BBS9: variants seen among roughly 807,000 people sequenced by gnomAD.
BBS9 encodes the protein Bardet-Biedl syndrome 9, also known as protein PTHB1.
Under a neutral mutation model 117.7 loss-of-function variants are expected in BBS9, and 89 were observed. That is an observed-to-expected ratio of 0.76 (90% CI 0.64 to 0.90). The LOEUF (loss-of-function observed/expected upper bound fraction) is 0.90, where lower values mean the gene tolerates loss of function less well. Ranked by LOEUF, BBS9 falls within the 40% of genes least tolerant of loss-of-function variation. The probability of loss-of-function intolerance (pLI) is 0.00; values close to 1 mark genes in which losing one functional copy is unlikely to be tolerated. For synonymous variants in BBS9, 379 were observed against 370.9 expected (o/e 1.02, Z -0.25); for missense variants, 982 against 1,042.2 (o/e 0.94, Z 0.80).
chr7:33,369,345 T>C (rs1388395420), intron 17 of BBS9, among the ~76,000 whole-genome samples: 1 of 152,200 alleles, frequency 6.6e-6, no homozygotes, highest in African/African-American at 2.4e-5. Context: ...TGAATATATT[T>C]ATATCCTAAT....
chr7:33,404,770 T>C (rs960455679), intron 19 of BBS9, among the ~76,000 whole-genome samples: 29 of 152,200 alleles, frequency 1.9e-4, no homozygotes, highest in African/African-American at 5.8e-4. Context: ...TTTCTAGATA[T>C]ACAGTCATGT....
At chr7:33,351,461 T>C in intron 14 of BBS9, 138 bp downstream of exon 14, 1 of 725,828 alleles carries the variant, frequency 1.4e-6, no homozygotes, top group Non-Finnish European at 2.5e-6. Context: ...TAAAATCATG[T>C]TTTCATTACT....
At chr7:33,595,295 T>C (rs1376504641) in intron 21 of BBS9, among the ~76,000 whole-genome samples, 2 of 152,134 alleles carry the variant, frequency 1.3e-5, no homozygotes, top group Non-Finnish European at 2.9e-5. Context: ...AATCTACCCA[T>C]CTGACAATGG....
chr7:33,158,891 G>A (rs1490740496), intron 4 of BBS9, among the ~76,000 whole-genome samples: 1 of 152,156 alleles, frequency 6.6e-6, no homozygotes, highest in Admixed American at 6.6e-5. Context: ...CAGCCACATG[G>A]TAAAAGACGA....
intron 21 of BBS9, among the ~76,000 whole-genome samples, chr7:33,569,977 TTATG>T (rs1013130835): frequency 6.6e-6 from 1 of 152,150 alleles, no homozygotes; most frequent in Non-Finnish European, 1.5e-5. Flanking sequence ...ACCAGGCTGA[TTATG>T]TAGGTAATAC....
intron 5 of BBS9, among the ~76,000 whole-genome samples, chr7:33,200,071 T>G (rs1283542287): frequency 6.6e-6 from 1 of 151,790 alleles, no homozygotes; most frequent in Admixed American, 6.6e-5. Context: ...ACACCCTATT[T>G]TTGGATTTAT....
chr7:33,591,257 C>A (rs1861870461), intron 21 of BBS9, among the ~76,000 whole-genome samples: 1 of 151,964 alleles, frequency 6.6e-6, no homozygotes, highest in African/African-American at 2.4e-5. Context: ...AAATTTAACT[C>A]CTTCCCTCTA....
At chr7:33,518,350 A>T (rs1848120346) in intron 20 of BBS9, among the ~76,000 whole-genome samples, 1 of 148,110 alleles carries the variant, frequency 6.8e-6, no homozygotes, top group Non-Finnish European at 1.5e-5. Context: ...TCCCGGGTTC[A>T]AACGATTCTC....
chr7:33,200,206 A>G (rs1399003859), intron 5 of BBS9, among the ~76,000 whole-genome samples: 1 of 152,104 alleles, frequency 6.6e-6, no homozygotes, highest in Admixed American at 6.5e-5. Flanking sequence ...GCACGTTCAA[A>G]CAGTATACTT....
chr7:33,440,767 G>A (rs1278988074), intron 19 of BBS9, among the ~76,000 whole-genome samples: 4 of 152,202 alleles, frequency 2.6e-5, no homozygotes, highest in African/African-American at 7.2e-5. Flanking sequence ...ACCATTGCAC[G>A]AGGTAGCCCA....
In BBS9 at chr7:33,588,295, T is replaced by C. The variant is rs181307229; in HGVS notation, c.2522-16570T>C. On this transcript the variant is annotated intron_variant, in intron 21 of 22. Transcript: ENST00000242067. ...TGGTTCACAGAGCAGCCAGGTCTACTGGGGGAGTAGAAAGAAGAGATTCTA... is the reference window on the plus strand; with the variant it reads ...TGGTTCACAGAGCAGCCAGGTCTACCGGGGGAGTAGAAAGAAGAGATTCTA... Among the ~76,000 whole-genome samples, 26 of 152,266 alleles carry C rather than the reference T, an allele frequency of 1.7e-4. 1 individual carries two copies. In the East Asian group the frequency reaches 4.6e-3, roughly 27 times the overall value.
intron 19 of BBS9, among the ~76,000 whole-genome samples, chr7:33,484,501 T>C (rs1842846656): frequency 6.6e-6 from 1 of 152,158 alleles, no homozygotes; most frequent in Non-Finnish European, 1.5e-5. Flanking sequence ...GGTTGGTTTT[T>C]CAACAGCATT....
chr7:33,159,101 T>G (rs1181547023), intron 4 of BBS9, among the ~76,000 whole-genome samples: 1 of 152,136 alleles, frequency 6.6e-6, no homozygotes, highest in Non-Finnish European at 1.5e-5. Flanking sequence ...TCCACCTCCA[T>G]TTAGGTTATA....
chr7:33,351,812 G>C (rs1041840303), intron 14 of BBS9: 1 of 196,090 alleles, frequency 5.1e-6, no homozygotes, highest in African/African-American at 2.4e-5. Flanking sequence ...CTCCTCCCCT[G>C]CGTAAGGCAC....
intron 21 of BBS9, among the ~76,000 whole-genome samples, chr7:33,574,832 A>G (rs1449244382): frequency 1.3e-5 from 2 of 150,062 alleles, no homozygotes; most frequent in Non-Finnish European, 2.9e-5. Context: ...AAAGACTTTC[A>G]AAAGAAAATT....
intron 5 of BBS9, among the ~76,000 whole-genome samples, chr7:33,198,924 C>T (rs1307113257): frequency 6.6e-6 from 1 of 151,916 alleles, no homozygotes. Context: ...CAGTGCCTAG[C>T]ACTATTAATA....
intron 21 of BBS9, among the ~76,000 whole-genome samples, chr7:33,554,539 C>T (rs944185258): frequency 6.6e-6 from 1 of 152,008 alleles, no homozygotes; most frequent in Non-Finnish European, 1.5e-5. Flanking sequence ...CCTTTAGTAC[C>T]AAGGTGGACA....
At chr7:33,143,077 C>T (rs77398644) in intron 1 of BBS9, among the ~76,000 whole-genome samples, 30,016 of 151,964 alleles carry the variant, frequency 0.2, 3,132 homozygotes, top group Non-Finnish European at 0.23. Context: ...TCATGGCATT[C>T]TCTTGCCTTA....
At chr7:33,493,812 G>A (rs1444870867) in intron 19 of BBS9, among the ~76,000 whole-genome samples, 21 of 152,118 alleles carry the variant, frequency 1.4e-4, no homozygotes, top group Admixed American at 1.3e-3. Context: ...GCTGGAATTC[G>A]TGTACCCTGT....
Sources: allele counts gnomAD v4.1 joint callset (sites outside exome capture counted in the v4.1 genomes callset), GRCh38; gene constraint gnomAD v4.1.1; transcripts MANE v1.5; gene names NCBI Gene and HGNC (gene_info 2026-07-23, HGNC 2026-07-21).